The following ULK4 variants were observed in gnomAD, a reference collection of about 807,000 sequenced individuals.
ULK4 encodes the protein unc-51 like kinase 4, also known as inactive serine/threonine-protein kinase ULK4.
Under a neutral mutation model 160.6 loss-of-function variants are expected in ULK4, and 133 were observed. That is an observed-to-expected ratio of 0.83 (90% CI 0.72 to 0.96). The LOEUF (loss-of-function observed/expected upper bound fraction) is 0.96. Ranked by LOEUF, ULK4 falls within the 40% of genes least tolerant of loss-of-function variation. The probability of loss-of-function intolerance (pLI) is 0.00; values close to 1 mark genes in which losing one functional copy is unlikely to be tolerated. For synonymous variants in ULK4, 534 were observed against 539.8 expected (o/e 0.99, Z 0.15); for missense variants, 1,580 against 1,499.5 (o/e 1.05, Z -0.89).
At chr3:41,609,689 T>C (rs1261902992) in intron 31 of ULK4, among the ~76,000 whole-genome samples, 1 of 152,204 alleles carries the variant, frequency 6.6e-6, no homozygotes, top group East Asian at 1.9e-4. Context: ...TCTTGTTCTC[T>C]GTCCAGGTGC....
In ULK4 at chr3:41,279,525, G is replaced by A. The variant is rs188710141; in HGVS notation, c.3679-29951C>T. On this transcript the variant is annotated intron_variant, in intron 35 of 36. Transcript: ENST00000301831. ...CATAATTGTCAGATGCACCAAGGTT[G>A]AAATGAAGGAAAAAATGTTAAGGAC... Among the ~76,000 whole-genome samples, 409 of 151,634 alleles carry A rather than the reference G, an allele frequency of 2.7e-3. 1 individual carries two copies. Among genetic ancestry groups the A allele is most frequent in the Non-Finnish European group, 4.9e-3 (331 of 67,938 alleles).
chr3:41,706,487 G>C (rs956034095), intron 25 of ULK4, among the ~76,000 whole-genome samples: 1 of 147,992 alleles, frequency 6.8e-6, no homozygotes, highest in Non-Finnish European at 1.5e-5. Flanking sequence ...AGATGACCTC[G>C]GAACTAAAAA....
chr3:41,625,194 C>A (rs2033441351), intron 30 of ULK4, among the ~76,000 whole-genome samples: 1 of 152,046 alleles, frequency 6.6e-6, no homozygotes, highest in Non-Finnish European at 1.5e-5. Context: ...ACAGAATATC[C>A]AAGGGTATCG....
intron 17 of ULK4, among the ~76,000 whole-genome samples, chr3:41,847,840 C>T (rs373990528): frequency 6.6e-6 from 1 of 152,210 alleles, no homozygotes; most frequent in South Asian, 2.1e-4. Flanking sequence ...CCTGAAACTT[C>T]AAACTCTTGG....
intron 32 of ULK4, among the ~76,000 whole-genome samples, chr3:41,551,596 T>C (rs933513123): frequency 1.6e-4 from 25 of 151,716 alleles, no homozygotes; most frequent in African/African-American, 6.0e-4. Flanking sequence ...AATAGACCAA[T>C]AATGAGTAAT....
At position 41,246,780 on chromosome 3, in the gene ULK4, A is replaced by C. The variant is rs936585864; in HGVS notation, c.*149T>G. On this transcript the variant is annotated 3_prime_UTR_variant, in exon 37 of 37. Coordinates refer to ENST00000301831, the MANE Select transcript of ULK4 (RefSeq NM_017886.4). ...TTTCTAGGCCCTGGGGTTAGTGAGCACTTGGGCCACCAGGTTCTGGGTTAA... is the reference window on the plus strand; with the variant it reads ...TTTCTAGGCCCTGGGGTTAGTGAGCCCTTGGGCCACCAGGTTCTGGGTTAA... 3 of 883,100 alleles carry C rather than the reference A, an allele frequency of 3.4e-6. No individual in the cohort carries two copies. The highest frequency in any genetic ancestry group is 5.2e-6 in the Non-Finnish European group (3 of 579,196). 54.7% of individuals were successfully genotyped at this position (883,100 alleles called of 1,614,324 possible). A position where few individuals can be genotyped will look rare whatever the true frequency, so the allele number is the denominator to read the frequency against.
At chr3:41,361,396 T>C (rs1437564877) in intron 35 of ULK4, among the ~76,000 whole-genome samples, 1 of 152,194 alleles carries the variant, frequency 6.6e-6, no homozygotes, top group African/African-American at 2.4e-5. Flanking sequence ...ACAAAAAATA[T>C]GAATTCCTTA....
chr3:41,612,745 T>A (rs895231711), intron 31 of ULK4, among the ~76,000 whole-genome samples: 1 of 152,270 alleles, frequency 6.6e-6, no homozygotes, highest in African/African-American at 2.4e-5. Context: ...TCCCTCCACT[T>A]CATTTGCCTG....
intron 34 of ULK4, among the ~76,000 whole-genome samples, chr3:41,414,881 A>T (rs978018971): frequency 3.9e-5 from 6 of 152,178 alleles, no homozygotes; most frequent in Non-Finnish European, 8.8e-5. Context: ...TCCCAGGTAC[A>T]CTATATTTTT....
At chr3:41,553,019 A>G (rs2087133849) in intron 32 of ULK4, among the ~76,000 whole-genome samples, 2 of 152,164 alleles carry the variant, frequency 1.3e-5, no homozygotes, top group African/African-American at 4.8e-5. Flanking sequence ...TCCTTCTTCA[A>G]TAAATGGTGC....
At position 41,904,577 on chromosome 3, in the gene ULK4, G is replaced by A. The variant is rs150692193; in HGVS notation, c.1182+3268C>T. ...TGCCAGAAGAGCTTCAACATCTATC[G>A]CATTTCAAAATGAATTTTTTAATTT... On this transcript the variant is annotated intron_variant, in intron 12 of 36. Transcript: ENST00000301831. Among the ~76,000 whole-genome samples the A allele has an allele frequency of 4.7e-4, 71 of 151,936 alleles. No individual in the cohort carries two copies. The East Asian group carries it at 0.013, about 28-fold the overall frequency.
At chr3:41,735,786 G>A (rs2038017217) in intron 22 of ULK4, among the ~76,000 whole-genome samples, 1 of 150,872 alleles carries the variant, frequency 6.6e-6, no homozygotes, top group African/African-American at 2.4e-5. Context: ...TCATGTTGGT[G>A]TGCTGCACCC....
intron 2 of ULK4, among the ~76,000 whole-genome samples, chr3:41,940,516 G>C (rs1699916598): frequency 6.6e-6 from 1 of 151,858 alleles, no homozygotes. Context: ...TTTTTAATTA[G>C]CCAGGCATGG....
chr3:41,704,857 A>T (rs558285613), intron 27 of ULK4, among the ~76,000 whole-genome samples, 200 bp downstream of exon 27: 1 of 152,288 alleles, frequency 6.6e-6, no homozygotes, highest in African/African-American at 2.4e-5. Context: ...GGAAGGAAAG[A>T]GAATAATAAA....
chr3:41,497,378 A>G (rs1160936849), intron 32 of ULK4, among the ~76,000 whole-genome samples: 3 of 152,064 alleles, frequency 2.0e-5, no homozygotes, highest in Non-Finnish European at 4.4e-5. Flanking sequence ...AATCTGCTGA[A>G]CTACACCAAA....
chr3:41,589,310 A>G (rs537897129), intron 31 of ULK4, among the ~76,000 whole-genome samples: 1 of 152,088 alleles, frequency 6.6e-6, no homozygotes, highest in East Asian at 1.9e-4. Flanking sequence ...GAGGTGGTAG[A>G]ATTCCAGAGA....
chr3:41,857,485 G>A (rs776934930), intron 17 of ULK4, among the ~76,000 whole-genome samples: 9 of 152,122 alleles, frequency 5.9e-5, no homozygotes, highest in South Asian at 2.1e-4. Context: ...CTCTCTCCTC[G>A]TCTTATTTTA....
intron 25 of ULK4, among the ~76,000 whole-genome samples, chr3:41,713,748 T>C (rs1203381873): frequency 1.3e-5 from 2 of 152,176 alleles, no homozygotes; most frequent in African/African-American, 2.4e-5. Flanking sequence ...ACACACTCAG[T>C]GTGGCCTCCT....
chr3:41,796,783 G>A (rs973431975), intron 20 of ULK4, among the ~76,000 whole-genome samples: 12 of 152,128 alleles, frequency 7.9e-5, no homozygotes, highest in Non-Finnish European at 1.6e-4. Context: ...ACCACCCAGG[G>A]AATGAACACA....
Sources: allele counts gnomAD v4.1 joint callset (sites outside exome capture counted in the v4.1 genomes callset), GRCh38; gene constraint gnomAD v4.1.1; transcripts MANE v1.5; gene names NCBI Gene and HGNC (gene_info 2026-07-23, HGNC 2026-07-21).